Variants in POLR3G observed in about 807,000 individuals in gnomAD.
The protein encoded by POLR3G is DNA-directed RNA polymerase III subunit RPC7.
In POLR3G, 28 loss-of-function variants were observed where a neutral mutation model predicts 30.1. That is an observed-to-expected ratio of 0.93 (90% CI 0.69 to 1.27). The LOEUF (loss-of-function observed/expected upper bound fraction) is 1.27. Among genes scored for constraint, POLR3G ranks in the 50% most tolerant of loss-of-function variants. The probability of loss-of-function intolerance (pLI) is 0.00; values close to 1 mark genes in which losing one functional copy is unlikely to be tolerated. For missense variants in POLR3G, 254 were observed against 264.6 expected, an observed-to-expected ratio of 0.96 and a Z score of 0.28; for synonymous variants, 79 against 82.5, an observed-to-expected ratio of 0.96 and a Z score of 0.23.
intron 1 of POLR3G, among the ~76,000 whole-genome samples, chr5:90,477,577 T>C (rs570413094): frequency 2.0e-5 from 3 of 152,154 alleles, no homozygotes; most frequent in Admixed American, 1.3e-4. Flanking sequence ...CCTATCCTGA[T>C]TGTAGCAATT....
chr5:90,480,208 T>C (rs1024198067), intron 1 of POLR3G, among the ~76,000 whole-genome samples: 2 of 152,164 alleles, frequency 1.3e-5, no homozygotes, highest in Admixed American at 6.5e-5. Context: ...GAGTTTGGTG[T>C]ATTGAAAAAG....
chr5:90,479,776 A>G (rs1751033957), intron 1 of POLR3G, among the ~76,000 whole-genome samples: 1 of 152,190 alleles, frequency 6.6e-6, no homozygotes. Context: ...TATTCAAGAC[A>G]TGACTATAGT....
chr5:90,489,147 G>A (rs1341427886), intron 3 of POLR3G, among the ~76,000 whole-genome samples: 2 of 151,956 alleles, frequency 1.3e-5, no homozygotes, highest in African/African-American at 4.8e-5. Flanking sequence ...ATCTTAGCAT[G>A]TGCTTATAAT....
intron 6 of POLR3G, chr5:90,502,381 T>TG: frequency 1.1e-6 from 1 of 909,588 alleles, no homozygotes; most frequent in South Asian, 5.1e-5. Context: ...TTAATGCTTT[T>TG]TTTTTGGTCT....
intron 6 of POLR3G, 150 bp from the exon 7 acceptor site, chr5:90,506,378 A>T: frequency 9.4e-7 from 1 of 1,063,640 alleles, no homozygotes; most frequent in Non-Finnish European, 1.3e-6. Flanking sequence ...TTCTTTCTTG[A>T]GTTGACTCAT....
chr5:90,503,838 A>G (rs1008779526), intron 6 of POLR3G, among the ~76,000 whole-genome samples: 1 of 152,234 alleles, frequency 6.6e-6, no homozygotes, highest in Non-Finnish European at 1.5e-5. Flanking sequence ...TTATTTCTGC[A>G]TAACAGGAGG....
At chr5:90,475,992 T>G (rs1012131098) in intron 1 of POLR3G, among the ~76,000 whole-genome samples, 2 of 152,264 alleles carry the variant, frequency 1.3e-5, no homozygotes, top group South Asian at 2.1e-4. Flanking sequence ...ATTACAGGCG[T>G]GAGCCACTAC....
intron 1 of POLR3G, among the ~76,000 whole-genome samples, chr5:90,476,540 A>T (rs3805478): frequency 0.37 from 56,144 of 151,922 alleles, 10,684 homozygotes; most frequent in East Asian, 0.48. Flanking sequence ...TAGGGCCCTC[A>T]GTAGTCTGGG....
At chr5:90,503,564 A>C (rs763980719) in intron 6 of POLR3G, among the ~76,000 whole-genome samples, 67 of 152,220 alleles carry the variant, frequency 4.4e-4, no homozygotes, top group Admixed American at 1.2e-3. Context: ...CCGTGTAACA[A>C]ACTGTGTTTC....
At chr5:90,499,495 T>C (rs1752141164) in intron 5 of POLR3G, among the ~76,000 whole-genome samples, 1 of 152,192 alleles carries the variant, frequency 6.6e-6, no homozygotes, top group East Asian at 1.9e-4. Flanking sequence ...TTTTGAAAGA[T>C]TCACTGAGGT....
intron 1 of POLR3G, among the ~76,000 whole-genome samples, chr5:90,477,627 T>G (rs555697828): frequency 5.9e-4 from 90 of 152,324 alleles, no homozygotes; most frequent in African/African-American, 2.0e-3. Context: ...GACTTGACTT[T>G]CACTGCCTCC....
chr5:90,473,966 A>G, upstream of POLR3G: 1 of 1,600,450 alleles, frequency 6.2e-7, no homozygotes, highest in Non-Finnish European at 8.5e-7. Flanking sequence ...TGTCCCCGCG[A>G]GCCAGCGCCT....
chr5:90,503,180 A>C (rs907091632), intron 6 of POLR3G, among the ~76,000 whole-genome samples: 1 of 152,194 alleles, frequency 6.6e-6, no homozygotes, highest in African/African-American at 2.4e-5. Context: ...TACATATGTT[A>C]TGTCCATAAG....
chr5:90,491,530 CGTT>C, intron 3 of POLR3G, among the ~76,000 whole-genome samples: 1 of 150,068 alleles, frequency 6.7e-6, no homozygotes, highest in African/African-American at 2.4e-5. Flanking sequence ...AAATTTTTGA[CGTT>C]TTTTTTTTTT....
At chr5:90,493,460 C>A (rs1751831346) in intron 3 of POLR3G, among the ~76,000 whole-genome samples, 1 of 151,916 alleles carries the variant, frequency 6.6e-6, no homozygotes, top group Non-Finnish European at 1.5e-5. Flanking sequence ...GTTGCTCAGG[C>A]TGGTCTCGAA....
At chr5:90,481,248 A>T (rs1030684919) in intron 1 of POLR3G, among the ~76,000 whole-genome samples, 2 of 152,068 alleles carry the variant, frequency 1.3e-5, no homozygotes, top group African/African-American at 4.8e-5. Context: ...GACCAGCCTG[A>T]TCAATACCAA....
Position 90,512,372 on chromosome 5 carries a change from C to G in POLR3G, c.*233C>G. ...ACCTCTGCCATCTCTCTTATGTACTCTCATGGGTTTTTTTGTATGATTTGA... is the reference window on the plus strand; with the variant it reads ...ACCTCTGCCATCTCTCTTATGTACTGTCATGGGTTTTTTTGTATGATTTGA... On this transcript the variant is annotated 3_prime_UTR_variant, in exon 8 of 8. Transcript: ENST00000651687. The G allele has an allele frequency of 2.5e-6, 1 of 399,632 alleles. No homozygotes were observed. The highest frequency in any genetic ancestry group is 3.9e-5 in the East Asian group (1 of 25,734). 24.8% of individuals were successfully genotyped at this position (399,632 alleles called of 1,614,324 possible).
upstream of POLR3G, chr5:90,474,402 G>T: frequency 3.9e-6 from 4 of 1,024,302 alleles, no homozygotes; most frequent in South Asian, 1.4e-5. Context: ...TGCAGCCAGG[G>T]AGGAGGCGTA....
At chr5:90,498,358 G>C (rs1349563182) in intron 5 of POLR3G, among the ~76,000 whole-genome samples, 1 of 151,720 alleles carries the variant, frequency 6.6e-6, no homozygotes, top group East Asian at 1.9e-4. Flanking sequence ...TGTTACATTG[G>C]TATATTGCAC....
Sources: allele counts gnomAD v4.1 joint callset (sites outside exome capture counted in the v4.1 genomes callset), GRCh38; gene constraint gnomAD v4.1.1; transcripts MANE v1.5; gene names NCBI Gene and HGNC (gene_info 2026-07-23, HGNC 2026-07-21).